Variants in DISC1 observed in about 807,000 individuals in gnomAD.
DISC1 encodes the protein disrupted in schizophrenia 1 protein.
A neutral mutation model predicts 84.5 loss-of-function variants in DISC1; 57 were observed. The ratio of observed to expected loss-of-function variants is 0.67; its 90% CI spans 0.55 to 0.84. The LOEUF (loss-of-function observed/expected upper bound fraction) is 0.84. Among genes scored for constraint, DISC1 ranks in the 40% least tolerant of loss-of-function variants. The probability of loss-of-function intolerance (pLI) is 0.00; values close to 1 mark genes in which losing one functional copy is unlikely to be tolerated. For synonymous variants in DISC1, 411 were observed against 415.2 expected (o/e 0.99, Z 0.12); for missense variants, 1,000 against 1,057.8 (o/e 0.95, Z 0.76).
rs2078670872 is a variant in DISC1, at chr1:231,795,294, A to G, written c.1687A>G (p.Lys563Glu). 1.2e-6 allele frequency: 2 copies of G among 1,612,682 alleles called. No individual in the cohort carries two copies. Among genetic ancestry groups the G allele is most frequent in the Non-Finnish European group, 1.7e-6 (2 of 1,178,820 alleles). Residue 563 changes from lysine to glutamate, a missense_variant and splice_region_variant, in exon 7 of 13, where the codon AAG becomes GAG. By Grantham distance (56) the Lys-to-Glu change is moderately conservative (BLOSUM62 1). Transcript: ENST00000439617. ...CTTGTCACTTAAAGAAATCACTACT[A>G]AGGTAAGTACCTTTATATTCCCATT... Reference protein sequence around the residue: ...LNLSLKEITTKVCMSEKFCST... With the variant: ...LNLSLKEITTEVCMSEKFCST...
At chr1:231,695,742 T>A (rs911060350) in intron 2 of DISC1, among the ~76,000 whole-genome samples, 1 of 152,144 alleles carries the variant, frequency 6.6e-6, no homozygotes, top group Admixed American at 6.5e-5. Flanking sequence ...GATATGTTCA[T>A]GTGGGTAGGG....
chr1:231,820,872 T>C (rs1000831265), intron 9 of DISC1, among the ~76,000 whole-genome samples: 4 of 152,198 alleles, frequency 2.6e-5, no homozygotes, highest in Non-Finnish European at 4.4e-5. Context: ...CCCACTAAAG[T>C]GATGAATTCT....
intron 10 of DISC1, among the ~76,000 whole-genome samples, chr1:231,972,225 GA>G (rs1414920286): frequency 1.3e-5 from 2 of 152,196 alleles, no homozygotes; most frequent in African/African-American, 4.8e-5. Flanking sequence ...TTACCAAATG[GA>G]AATTGTTCTA....
At chr1:231,969,025 A>T (rs915754634) in intron 10 of DISC1, among the ~76,000 whole-genome samples, 1 of 152,132 alleles carries the variant, frequency 6.6e-6, no homozygotes, top group Non-Finnish European at 1.5e-5. Context: ...AAATTATGAA[A>T]CCAAGAAACT....
At chr1:231,956,594 G>C (rs540101982) in intron 9 of DISC1, among the ~76,000 whole-genome samples, 1 of 152,052 alleles carries the variant, frequency 6.6e-6, no homozygotes, top group Non-Finnish European at 1.5e-5. Flanking sequence ...TCAAAATCCT[G>C]ATAGTGGCTT....
At chr1:231,792,109 T>C (rs2078394764) in intron 6 of DISC1, among the ~76,000 whole-genome samples, 1 of 152,202 alleles carries the variant, frequency 6.6e-6, no homozygotes, top group South Asian at 2.1e-4. Flanking sequence ...ACCCCAGGGA[T>C]ACAACTAATG....
At chr1:231,825,563 G>A (rs4658950) in intron 9 of DISC1, among the ~76,000 whole-genome samples, 93,418 of 151,904 alleles carry the variant, frequency 0.61, 28,964 homozygotes, top group East Asian at 0.8. Flanking sequence ...AGAAGAGCCT[G>A]TTTGCCATGT....
At chr1:231,866,619 G>A (rs917068071) in intron 9 of DISC1, 12 of 1,557,114 alleles carry the variant, frequency 7.7e-6, no homozygotes, top group Admixed American at 5.1e-5. Flanking sequence ...TGAACCCAGA[G>A]AGTCTGACTT....
chr1:231,963,559 C>A (rs959078011), intron 10 of DISC1, among the ~76,000 whole-genome samples: 1 of 152,024 alleles, frequency 6.6e-6, no homozygotes, highest in African/African-American at 2.4e-5. Context: ...TCCCATTCAG[C>A]CTTCAAGGTT....
chr1:231,955,914 A>T (rs971675489), intron 9 of DISC1, among the ~76,000 whole-genome samples: 2 of 152,198 alleles, frequency 1.3e-5, no homozygotes, highest in Non-Finnish European at 2.9e-5. Flanking sequence ...TTAAGTCCCT[A>T]TTGGGACATA....
chr1:231,890,982 C>T (rs1003158532), intron 9 of DISC1, among the ~76,000 whole-genome samples: 8 of 152,100 alleles, frequency 5.3e-5, no homozygotes, highest in Non-Finnish European at 1.2e-4. Context: ...TGTCTCTCAC[C>T]ATCTGTTTGA....
At chr1:231,640,114 CAG>C (rs892520077) in intron 1 of DISC1, among the ~76,000 whole-genome samples, 1 of 152,142 alleles carries the variant, frequency 6.6e-6, no homozygotes, top group African/African-American at 2.4e-5. Context: ...TTGAGGTTCT[CAG>C]AGAATTTTGG....
At chr1:231,983,945 A>G (rs1030726743) in intron 10 of DISC1, among the ~76,000 whole-genome samples, 8 of 152,190 alleles carry the variant, frequency 5.3e-5, no homozygotes, top group Non-Finnish European at 4.4e-5. Context: ...CCAATGAAAT[A>G]GATAATTTTA....
At chr1:231,949,364 G>A (rs766245205) in intron 9 of DISC1, among the ~76,000 whole-genome samples, 4 of 152,176 alleles carry the variant, frequency 2.6e-5, no homozygotes, top group Non-Finnish European at 5.9e-5. Context: ...GGTGAGGGCC[G>A]GTGCCTGGAT....
chr1:231,773,543 C>T (rs2076716921), intron 6 of DISC1, among the ~76,000 whole-genome samples: 1 of 151,828 alleles, frequency 6.6e-6, no homozygotes, highest in Admixed American at 6.6e-5. Context: ...TGCCAGCACA[C>T]CCAGCTAATT....
In DISC1 at chr1:231,676,098, TG is replaced by T. The variant is rs2063126968; in HGVS notation, c.68-17727del. 2.0e-5 allele frequency among the ~76,000 whole-genome samples: 3 copies of T among 152,240 alleles called. 1 individual carries two copies. The South Asian group carries it at 6.2e-4, about 31-fold the overall frequency. On this transcript the variant is annotated intron_variant, in intron 1 of 12. Transcript: ENST00000439617. Reference sequence around the variant, plus strand: ...TCCTGACCTGATGATCCATCTGCCTTGTCCTCCCAAAATGCTGGGATTACAG... The same window carrying T: ...TCCTGACCTGATGATCCATCTGCCTTTCCTCCCAAAATGCTGGGATTACAG...
At chr1:231,776,886 G>C (rs569531816) in intron 6 of DISC1, among the ~76,000 whole-genome samples, 1 of 152,176 alleles carries the variant, frequency 6.6e-6, no homozygotes, top group African/African-American at 2.4e-5. Context: ...AGAGGGTTGC[G>C]TGGAAGCAGC....
At chr1:231,682,961 C>A (rs200984472) in intron 1 of DISC1, among the ~76,000 whole-genome samples, 7 of 152,212 alleles carry the variant, frequency 4.6e-5, no homozygotes, top group Admixed American at 1.3e-4. Context: ...TGTTTCTCCT[C>A]ATTACTGATG....
chr1:231,791,759 A>G (rs1435238312), intron 6 of DISC1, among the ~76,000 whole-genome samples: 4 of 152,244 alleles, frequency 2.6e-5, no homozygotes, highest in Non-Finnish European at 5.9e-5. Flanking sequence ...TTCACTCATT[A>G]AAGTACACGG....
Sources: allele counts gnomAD v4.1 joint callset (sites outside exome capture counted in the v4.1 genomes callset), GRCh38; gene constraint gnomAD v4.1.1; transcripts MANE v1.5; gene names NCBI Gene and HGNC (gene_info 2026-07-23, HGNC 2026-07-21).